PRKCB: variants seen among roughly 807,000 people sequenced by gnomAD.
PRKCB encodes protein kinase C beta type.
Under a neutral mutation model 81.5 loss-of-function variants are expected in PRKCB, and 13 were observed. The ratio of observed to expected loss-of-function variants is 0.16; its 90% CI spans 0.10 to 0.25. The LOEUF (loss-of-function observed/expected upper bound fraction) is 0.25, where lower values mean the gene tolerates loss of function less well. Among genes scored for constraint, PRKCB ranks in the 10% least tolerant of loss-of-function variants. The pLI is 1.00. For synonymous variants in PRKCB, 335 were observed against 321.4 expected, an observed-to-expected ratio of 1.04 and a Z score of -0.45; for missense variants, 509 against 875.7, an observed-to-expected ratio of 0.58 and a Z score of 5.29.
intron 9 of PRKCB, among the ~76,000 whole-genome samples, chr16:24,132,547 A>G (rs1966854834): frequency 6.6e-6 from 1 of 152,220 alleles, no homozygotes; most frequent in South Asian, 2.1e-4. Context: ...GAAGATGATG[A>G]TAACACCTAA....
chr16:24,079,962 C>T (rs1056903538), intron 5 of PRKCB, among the ~76,000 whole-genome samples: 1 of 152,030 alleles, frequency 6.6e-6, no homozygotes, highest in Non-Finnish European at 1.5e-5. Context: ...TCGCCTTTTT[C>T]GTCATTTTTT....
In PRKCB at chr16:24,215,787, G is replaced by A. The variant is rs1390210448; in HGVS notation, c.*971G>A. The A allele has an allele frequency of 1.2e-5, 12 of 985,716 alleles. No homozygotes were observed. The highest frequency in any genetic ancestry group is 3.6e-6 in the Non-Finnish European group (3 of 829,946). The allele number at this position is 985,716 out of a possible 1,614,324, so 61.1% of individuals were successfully genotyped here. A position where few individuals can be genotyped will look rare whatever the true frequency, so the allele number is the denominator to read the frequency against. ...CGGAGCCTAGCAGACTCAGGCCTGT[G>A]GGAATGGGATTTGTTACAAATCTAG... On this transcript the variant is annotated 3_prime_UTR_variant, in exon 17 of 17. Coordinates refer to ENST00000643927, the MANE Select transcript of PRKCB (RefSeq NM_002738.7).
chr16:23,885,149 ACT>A (rs1313295409), intron 2 of PRKCB, among the ~76,000 whole-genome samples: 2 of 152,024 alleles, frequency 1.3e-5, no homozygotes, highest in Non-Finnish European at 2.9e-5. Context: ...CCAGACACTA[ACT>A]CTATGATTTA....
chr16:24,071,476 G>A (rs552807604), intron 5 of PRKCB, among the ~76,000 whole-genome samples: 1 of 149,532 alleles, frequency 6.7e-6, no homozygotes, highest in African/African-American at 2.5e-5. Context: ...AAACAGGACT[G>A]GGGAAAAGGA....
intron 2 of PRKCB, among the ~76,000 whole-genome samples, chr16:23,872,755 T>C (rs1413040026): frequency 2.0e-5 from 3 of 152,180 alleles, no homozygotes; most frequent in Admixed American, 2.0e-4. Context: ...CACTGATTGC[T>C]GAGCAGATGG....
In PRKCB at chr16:23,837,417, G is replaced by A. The variant is rs1040370807; in HGVS notation, c.205+11G>A. The A allele has an allele frequency of 1.2e-6, 2 of 1,605,772 alleles. No individual in the cohort carries two copies. The highest frequency in any genetic ancestry group is 1.7e-6 in the Non-Finnish European group (2 of 1,177,722). ...GATTCCAGTGCCAAGGTAGGCTCTG[G>A]GGCTTTGGGGATGCTATTTGTGGGA... On this transcript the variant is annotated intron_variant, in intron 2 of 16. Transcript: ENST00000643927.
At chr16:23,896,147 G>T in intron 2 of PRKCB, among the ~76,000 whole-genome samples, 1 of 147,218 alleles carries the variant, frequency 6.8e-6, no homozygotes, top group Non-Finnish European at 1.5e-5. Flanking sequence ...CCACTTTCCT[G>T]CCTTTGAAGA....
intron 2 of PRKCB, among the ~76,000 whole-genome samples, chr16:23,844,425 C>T (rs939823831): frequency 2.6e-5 from 4 of 152,154 alleles, no homozygotes; most frequent in Admixed American, 6.5e-5. Flanking sequence ...TCCATTTATC[C>T]ACCCACCTCT....
At chr16:23,910,871 C>A (rs1963640911) in intron 2 of PRKCB, among the ~76,000 whole-genome samples, 1 of 151,934 alleles carries the variant, frequency 6.6e-6, no homozygotes, top group Non-Finnish European at 1.5e-5. Context: ...CAAACTAATT[C>A]CGTTTCTGTA....
intron 15 of PRKCB, among the ~76,000 whole-genome samples, chr16:24,188,832 C>T (rs1253660256): frequency 1.3e-5 from 2 of 152,270 alleles, no homozygotes; most frequent in South Asian, 4.1e-4. Flanking sequence ...ACATCCTTTA[C>T]CTGGAAAATG....
chr16:24,033,033 G>A (rs758234145), intron 4 of PRKCB, among the ~76,000 whole-genome samples: 5 of 152,210 alleles, frequency 3.3e-5, no homozygotes, highest in East Asian at 1.9e-4. Context: ...GGTAGGAAAG[G>A]CAGGTGGGGT....
intron 1 of PRKCB, among the ~76,000 whole-genome samples, chr16:23,836,603 C>A (rs1184933287): frequency 6.6e-6 from 1 of 152,056 alleles, no homozygotes; most frequent in African/African-American, 2.4e-5. Context: ...GCCTCTAGAG[C>A]GCCCAGGGGC....
At chr16:23,980,461 TGTC>T (rs558246541) in intron 2 of PRKCB, among the ~76,000 whole-genome samples, 113 of 152,348 alleles carry the variant, frequency 7.4e-4, no homozygotes, top group African/African-American at 2.2e-3. Context: ...TTGCATGTGT[TGTC>T]TTATTTGAGC....
chr16:24,216,107 A>C lies in PRKCB; in HGVS notation c.*1291A>C, dbSNP rs981065352. On this transcript the variant is annotated 3_prime_UTR_variant, in exon 17 of 17. Coordinates refer to ENST00000643927, the MANE Select transcript of PRKCB (RefSeq NM_002738.7). ...GAGGGAACTCAGGAGAAAGGAACTA[A>C]CTGCGGAGCTTTAATCTTGGCCCCA... 2.0e-6 allele frequency: 2 copies of C among 985,290 alleles called. No homozygotes were observed. Among genetic ancestry groups the C allele is most frequent in the African/African-American group, 3.5e-5 (2 of 57,228 alleles). The allele number at this position is 985,290 out of a possible 1,614,324, so 61.0% of individuals were successfully genotyped here.
intron 13 of PRKCB, 43 bp from the exon 14 acceptor site, chr16:24,185,068 A>G (rs543218822): frequency 1.3e-6 from 2 of 1,520,650 alleles, no homozygotes; most frequent in African/African-American, 2.7e-5. Context: ...CAGAAGAAAC[A>G]TGAACTGCAA....
At chr16:24,158,565 T>C (rs511260) in intron 10 of PRKCB, among the ~76,000 whole-genome samples, 2 of 151,246 alleles carry the variant, frequency 1.3e-5, no homozygotes, top group African/African-American at 2.4e-5. Flanking sequence ...TATATGTATA[T>C]GTATATGTAT....
chr16:23,907,753 G>A (rs367628385), intron 2 of PRKCB, among the ~76,000 whole-genome samples: 81 of 152,210 alleles, frequency 5.3e-4, no homozygotes, highest in African/African-American at 1.8e-3. Flanking sequence ...CATACCGGTC[G>A]ACTCCGGGAG....
At chr16:24,029,820 A>T (rs1488975396) in intron 3 of PRKCB, among the ~76,000 whole-genome samples, 1 of 152,224 alleles carries the variant, frequency 6.6e-6, no homozygotes, top group East Asian at 1.9e-4. Context: ...AACTGGTAGC[A>T]TGTACCAAAG....
chr16:24,203,611 A>AGTC (rs1967998207), intron 16 of PRKCB, among the ~76,000 whole-genome samples: 1 of 152,148 alleles, frequency 6.6e-6, no homozygotes, highest in African/African-American at 2.4e-5. Flanking sequence ...TAGAAATTCC[A>AGTC]ACTCCACAAA....
Sources: gnomAD v4.1 joint callset for allele counts (sites outside exome capture counted in the v4.1 genomes callset) on GRCh38, gnomAD v4.1.1 for gene constraint, MANE v1.5 for transcripts, NCBI Gene and HGNC (gene_info 2026-07-23, HGNC 2026-07-21) for gene names.